SCFD2: variants seen among roughly 807,000 people sequenced by gnomAD.
SCFD2 encodes sec1 family domain containing 2.
Under a neutral mutation model 58.9 loss-of-function variants are expected in SCFD2, and 54 were observed. That is an observed-to-expected ratio of 0.92 (90% confidence interval 0.74 to 1.15). The LOEUF (loss-of-function observed/expected upper bound fraction) is 1.15, where lower values mean the gene tolerates loss of function less well. Ranked by LOEUF, SCFD2 falls within the 50% of genes most tolerant of loss-of-function variation. The pLI, the probability that SCFD2 is intolerant of heterozygous loss-of-function variation, is 0.00. For missense variants in SCFD2, 805 were observed against 836.6 expected (o/e 0.96, Z 0.47); for synonymous variants, 321 against 335.9 (o/e 0.96, Z 0.49).
At position 52,873,996 on chromosome 4, in the gene SCFD2, G is replaced by A. The variant is rs756413533; in HGVS notation, c.2028C>T (p.Asp676=). The A allele has an allele frequency of 6.2e-7, 1 of 1,614,016 alleles. No individual in the cohort carries two copies. Among genetic ancestry groups the A allele is most frequent in the South Asian group, 1.1e-5 (1 of 91,078 alleles). The stretch of plus-strand genomic sequence containing the variant: ...AGAAGCCAAGGTCTGGATGCAGTCG[G>A]TCAGTTGCAAATAACAGCTCAGGAA... The part of the protein sequence containing the change: ...LNIPELLFAT[D]RLHPDLGF The change falls in exon 9 of 9, where the codon GAC becomes GAT. Residue 676 remains aspartate (D), a synonymous_variant. Coordinates refer to ENST00000401642, the MANE Select transcript of SCFD2 (RefSeq NM_152540.4).
At chr4:53,213,853 T>A (rs1427309067) in intron 4 of SCFD2, among the ~76,000 whole-genome samples, 1 of 152,104 alleles carries the variant, frequency 6.6e-6, no homozygotes. Context: ...CCGCTTCCTG[T>A]GTCCATGTAT....
chr4:53,232,201 CCAAAA>C (rs1560399688), intron 4 of SCFD2, among the ~76,000 whole-genome samples: 1 of 151,964 alleles, frequency 6.6e-6, no homozygotes, highest in Non-Finnish European at 1.5e-5. Flanking sequence ...AAAACAGCAA[CCAAAA>C]CAAAACAGTT....
intron 6 of SCFD2, 123 bp downstream of exon 6, chr4:52,920,602 T>C (rs1035800168): frequency 8.6e-6 from 5 of 580,986 alleles, no homozygotes; most frequent in African/African-American, 7.8e-5. Context: ...AAAAGAGAAC[T>C]TGGAGATCAT....
intron 5 of SCFD2, among the ~76,000 whole-genome samples, chr4:52,947,775 A>C (rs556803476): frequency 6.6e-6 from 1 of 152,038 alleles, no homozygotes; most frequent in Admixed American, 6.6e-5. Flanking sequence ...CAGGTGTACT[A>C]AATGTGAAAA....
intron 1 of SCFD2, among the ~76,000 whole-genome samples, chr4:53,363,326 T>C (rs1734599994): frequency 6.6e-6 from 1 of 151,790 alleles, no homozygotes; most frequent in Non-Finnish European, 1.5e-5. Context: ...TTTTTAAATT[T>C]TCTGTAGAGA....
At chr4:53,339,549 C>T (rs1015430557) in intron 2 of SCFD2, among the ~76,000 whole-genome samples, 3 of 152,110 alleles carry the variant, frequency 2.0e-5, no homozygotes, top group African/African-American at 7.2e-5. Flanking sequence ...GCGGGCAGAT[C>T]ACCTGAGGCC....
chr4:52,931,218 C>T (rs1041471978), intron 5 of SCFD2, among the ~76,000 whole-genome samples: 1 of 152,190 alleles, frequency 6.6e-6, no homozygotes, highest in African/African-American at 2.4e-5. Context: ...AATAAGTCCC[C>T]TTTCAAAGTG....
At chr4:52,956,481 A>G (rs943943330) in intron 5 of SCFD2, 2 of 336,412 alleles carry the variant, frequency 5.9e-6, no homozygotes, top group African/African-American at 4.3e-5. Context: ...TGCAACGAGG[A>G]CTTGGAACCC....
chr4:53,094,397 G>C (rs1198355586), intron 5 of SCFD2, among the ~76,000 whole-genome samples: 2 of 152,056 alleles, frequency 1.3e-5, no homozygotes, highest in Non-Finnish European at 2.9e-5. Context: ...GTGGCCATGT[G>C]TCTCCCCATG....
intron 4 of SCFD2, among the ~76,000 whole-genome samples, chr4:53,233,563 C>T (rs1297420515): frequency 6.6e-6 from 1 of 152,188 alleles, no homozygotes; most frequent in Non-Finnish European, 1.5e-5. Flanking sequence ...GCTTCTAAAG[C>T]AAGGCCAGTT....
intron 5 of SCFD2, among the ~76,000 whole-genome samples, chr4:52,944,850 T>G (rs1392921648): frequency 6.6e-6 from 1 of 152,182 alleles, no homozygotes; most frequent in African/African-American, 2.4e-5. Context: ...GTCCCCTCCC[T>G]GGAGTCATTA....
At chr4:53,089,734 A>G (rs1724417623) in intron 5 of SCFD2, among the ~76,000 whole-genome samples, 1 of 152,214 alleles carries the variant, frequency 6.6e-6, no homozygotes, top group Non-Finnish European at 1.5e-5. Context: ...ATTTCTTGCC[A>G]ATGGATAGAG....
At chr4:52,939,013 C>T (rs538692030) in intron 5 of SCFD2, among the ~76,000 whole-genome samples, 1 of 152,268 alleles carries the variant, frequency 6.6e-6, no homozygotes, top group South Asian at 2.1e-4. Context: ...TTACCTGCCT[C>T]AGTGATCATG....
intron 4 of SCFD2, among the ~76,000 whole-genome samples, chr4:53,204,996 T>C (rs1223575888): frequency 2.0e-5 from 3 of 152,012 alleles, no homozygotes; most frequent in Admixed American, 6.6e-5. Context: ...CATTTTCAGC[T>C]TTTCAATATA....
intron 4 of SCFD2, among the ~76,000 whole-genome samples, chr4:53,201,891 A>C (rs1195488794): frequency 6.6e-6 from 1 of 152,044 alleles, no homozygotes; most frequent in African/African-American, 2.4e-5. Flanking sequence ...TTTCTTGTAA[A>C]TTTGTTTGAG....
intron 5 of SCFD2, among the ~76,000 whole-genome samples, chr4:53,130,392 A>G (rs1725753491): frequency 1.3e-5 from 2 of 152,206 alleles, no homozygotes; most frequent in East Asian, 3.8e-4. Context: ...AGATACCTCT[A>G]TTTTTAAAAT....
In SCFD2 at chr4:53,301,853, CACG is replaced by C. The variant is rs527368580; in HGVS notation, c.1135+11780_1135+11782del. On this transcript the variant is annotated intron_variant, in intron 3 of 8. Transcript: ENST00000401642. ...TAAACAGAACCAAAGACAAAAACCA[CACG>C]ACTATCTCAATAGATACAGAAAAGG... Among the ~76,000 whole-genome samples, 437 of 152,276 alleles carry C rather than the reference CACG, an allele frequency of 2.9e-3. 1 individual carries two copies. The highest frequency in any genetic ancestry group is 1.0e-2 in the African/African-American group (415 of 41,542).
intron 4 of SCFD2, among the ~76,000 whole-genome samples, chr4:53,183,200 C>T (rs1295342328): frequency 6.6e-6 from 1 of 152,168 alleles, no homozygotes; most frequent in Non-Finnish European, 1.5e-5. Context: ...GACACACGCA[C>T]ACGTATGTTT....
At chr4:52,994,663 TACC>T (rs1721700560) in intron 5 of SCFD2, among the ~76,000 whole-genome samples, 2 of 152,216 alleles carry the variant, frequency 1.3e-5, no homozygotes, top group Non-Finnish European at 2.9e-5. Context: ...TCGACAGATA[TACC>T]ACACTGTTGG....
Sources: allele counts gnomAD v4.1 joint callset (sites outside exome capture counted in the v4.1 genomes callset), GRCh38; gene constraint gnomAD v4.1.1; transcripts MANE v1.5; gene names NCBI Gene and HGNC (gene_info 2026-07-23, HGNC 2026-07-21).